The following NT5DC4 variants were observed in gnomAD, a reference collection of about 807,000 sequenced individuals.
The protein encoded by NT5DC4 is 5'-nucleotidase domain containing 4.
In NT5DC4, 44 loss-of-function variants were observed where a neutral mutation model predicts 26.6. The observed-to-expected ratio is 1.65, with a 90% CI of 1.30 to 2.13. The LOEUF is 2.13. NT5DC4 is among the 30% of genes most tolerant of loss of function. The pLI, the probability that NT5DC4 is intolerant of heterozygous loss-of-function variation, is 0.00. For synonymous variants in NT5DC4, 157 were observed against 86.7 expected, an observed-to-expected ratio of 1.81 and a Z score of -4.51; for missense variants, 399 against 228.1, an observed-to-expected ratio of 1.75 and a Z score of -4.83.
intron 16 of NT5DC4, chr2:112,737,958 A>G (rs1679441268): frequency 6.6e-6 from 1 of 151,448 alleles, no homozygotes; most frequent in Non-Finnish European, 1.5e-5. Context: ...GTTTTTCTAC[A>G]CAATTATATT....
intron 15 of NT5DC4, among the ~76,000 whole-genome samples, chr2:112,728,905 A>G (rs992462969): frequency 6.6e-6 from 1 of 152,186 alleles, no homozygotes; most frequent in Non-Finnish European, 1.5e-5. Context: ...ACATGGGGGA[A>G]CTGGCTTTCA....
chr2:112,724,168 G>A (rs1677363472), intron 10 of NT5DC4, 42 bp downstream of exon 10: 2 of 716,654 alleles, frequency 2.8e-6, no homozygotes, highest in Admixed American at 2.0e-5. Flanking sequence ...GGTGGGCTGT[G>A]CAAAGGGCCA....
chr2:112,727,940 C>T (rs1211427854), intron 15 of NT5DC4, among the ~76,000 whole-genome samples: 6 of 152,240 alleles, frequency 3.9e-5, no homozygotes, highest in Non-Finnish European at 5.9e-5. Context: ...CCTGTACTTC[C>T]GAGTGAGCTC....
At chr2:112,738,804 T>A (rs1168496909) in intron 16 of NT5DC4, 109 bp from the exon 17 acceptor site, 10 of 1,529,462 alleles carry the variant, frequency 6.5e-6, no homozygotes, top group South Asian at 1.1e-5. Context: ...ACACCTTTTT[T>A]AAAAAAAGCA....
At position 112,726,270 on chromosome 2, in the gene NT5DC4, C is replaced by T. The variant is rs1448716019; in HGVS notation, c.1186C>T (p.His396Tyr). The T allele has an allele frequency of 8.4e-6, 6 of 717,070 alleles. No individual in the cohort carries two copies. Among genetic ancestry groups the T allele is most frequent in the East Asian group, 2.7e-5 (1 of 37,262 alleles). The allele number at this position is 717,070 out of a possible 1,614,324, so 44.4% of individuals were successfully genotyped here. ...GGAGGAGCTGAAGAGACTGGACACG[C>T]ACCTGGCAGACATATACCAGTGAGA... ...RLEELKRLDTHLADIYQHMDG... is the reference protein window; with the variant it reads ...RLEELKRLDTYLADIYQHMDG... Residue 396 changes from histidine (H) to tyrosine (Y), a missense_variant, in exon 14 of 17, where the codon CAC becomes TAC. Transcript: ENST00000688554.
upstream of NT5DC4, among the ~76,000 whole-genome samples, chr2:112,719,942 C>CTTTCTT (rs1223564207): frequency 1.0e-4 from 10 of 96,526 alleles, no homozygotes; most frequent in South Asian, 3.7e-4. Flanking sequence ...TTCTTTCTTT[C>CTTTCTT]TTTCTTTCTT....
intron 14 of NT5DC4, 97 bp from the exon 15 acceptor site, chr2:112,726,581 T>G (rs1422649608): frequency 5.6e-6 from 4 of 710,200 alleles, no homozygotes; most frequent in Non-Finnish European, 1.1e-5. Context: ...GCCCGCACGG[T>G]GTCCCCCCAC....
chr2:112,730,060 C>A (rs1678292877), intron 16 of NT5DC4, among the ~76,000 whole-genome samples: 1 of 151,948 alleles, frequency 6.6e-6, no homozygotes, highest in South Asian at 2.1e-4. Context: ...CACCTGTAAT[C>A]CCAGCACTTT....
upstream of NT5DC4, among the ~76,000 whole-genome samples, chr2:112,719,519 T>C (rs1225854094): frequency 6.8e-6 from 1 of 146,360 alleles, no homozygotes; most frequent in Admixed American, 7.0e-5. Context: ...GGAGTCTTGC[T>C]GTGTTGCCCA....
intron 16 of NT5DC4, among the ~76,000 whole-genome samples, chr2:112,730,203 C>T (rs903193506): frequency 6.7e-6 from 1 of 150,336 alleles, no homozygotes; most frequent in Non-Finnish European, 1.5e-5. Context: ...GTCCCAGCTA[C>T]CCGGGAGGCT....
At chr2:112,736,161 A>G (rs1679139820) in intron 16 of NT5DC4, among the ~76,000 whole-genome samples, 1 of 152,088 alleles carries the variant, frequency 6.6e-6, no homozygotes, top group African/African-American at 2.4e-5. Flanking sequence ...AACCTGGTCG[A>G]CGGGCTTAGG....
chr2:112,718,963 G>GA (rs1676610110), upstream of NT5DC4, among the ~76,000 whole-genome samples: 1 of 152,128 alleles, frequency 6.6e-6, no homozygotes, highest in Non-Finnish European at 1.5e-5. Flanking sequence ...ATCCGATGAG[G>GA]AAACACATAT....
chr2:112,720,125 C>G (rs1207778860), upstream of NT5DC4, among the ~76,000 whole-genome samples: 2 of 150,726 alleles, frequency 1.3e-5, no homozygotes, highest in Non-Finnish European at 2.9e-5. Context: ...ATTGCAACCT[C>G]CAACCCCTGG....
At chr2:112,735,400 G>T (rs1201187165) in intron 16 of NT5DC4, among the ~76,000 whole-genome samples, 1 of 152,128 alleles carries the variant, frequency 6.6e-6, no homozygotes, top group African/African-American at 2.4e-5. Context: ...GGCATAGTGA[G>T]CACTAACAAA....
chr2:112,725,371 T>C lies in NT5DC4; in HGVS notation c.983-11T>C, dbSNP rs1174898281. 1 of 697,334 alleles carries C rather than the reference T, an allele frequency of 1.4e-6. No individual in the cohort carries two copies. The highest frequency in any genetic ancestry group is 2.7e-6 in the Non-Finnish European group (1 of 369,344). 43.2% of individuals were successfully genotyped at this position (697,334 alleles called of 1,614,324 possible). On this transcript the variant is annotated splice_polypyrimidine_tract_variant and intron_variant, in intron 12 of 16. Transcript: ENST00000688554. ...GGCAAACGAGTGTCTGTCCTCCCCT[T>C]GGTGGGGCAGGCTCTTCGGACATGG...
chr2:112,730,306 G>A (rs1346853512), intron 16 of NT5DC4, among the ~76,000 whole-genome samples: 1 of 54,454 alleles, frequency 1.8e-5, no homozygotes, highest in African/African-American at 8.3e-5. Context: ...GGGAAAGACT[G>A]TCTCAAAAAA....
chr2:112,735,232 C>T (rs1218852753), intron 16 of NT5DC4, among the ~76,000 whole-genome samples: 1 of 151,696 alleles, frequency 6.6e-6, no homozygotes, highest in Admixed American at 6.6e-5. Context: ...TTAGTAGAGA[C>T]AGGGTTTTGC....
At chr2:112,722,880 C>T in intron 6 of NT5DC4, 109 bp downstream of exon 6, 2 of 100,562 alleles carry the variant, frequency 2.0e-5, no homozygotes, top group Non-Finnish European at 4.4e-5. Flanking sequence ...GGAAGGGCTC[C>T]AGGAAGCTCA....
In NT5DC4 at chr2:112,725,394, T is replaced by C; in HGVS notation, c.995T>C (p.Met332Thr). The C allele has an allele frequency of 1.4e-6, 1 of 709,358 alleles. No individual in the cohort carries two copies. Among genetic ancestry groups the C allele is most frequent in the Non-Finnish European group, 2.6e-6 (1 of 378,774 alleles). The allele number at this position is 709,358 out of a possible 1,614,324, so 43.9% of individuals were successfully genotyped here. The change falls in exon 13 of 17, where the codon ATG becomes ACG. Residue 332 changes from methionine to threonine, a missense_variant. Physicochemically the swap from Met to Thr is moderately conservative, Grantham distance 81 (BLOSUM62 -1). Coordinates refer to ENST00000688554, the MANE Select transcript of NT5DC4 (RefSeq NM_001393655.1). The stretch of plus-strand genomic sequence containing the variant: ...CTTGGTGGGGCAGGCTCTTCGGACA[T>C]GGTGTGCGAGCTGCTTGGGGTTCGG... ...CAVYSGGSSD[M>T]VCELLGVRGM...
Sources: gnomAD v4.1 joint callset for allele counts (sites outside exome capture counted in the v4.1 genomes callset) on GRCh38, gnomAD v4.1.1 for gene constraint, MANE v1.5 for transcripts, NCBI Gene and HGNC (gene_info 2026-07-23, HGNC 2026-07-21) for gene names.